The following JAZF1 variants were observed in gnomAD, a reference collection of about 807,000 sequenced individuals.
The protein encoded by JAZF1 is juxtaposed with another zinc finger protein 1.
JAZF1 carries 8 observed loss-of-function variants against 26.4 expected under a neutral mutation model. The observed-to-expected ratio is 0.30, with a 90% confidence interval of 0.18 to 0.55. JAZF1 has a LOEUF of 0.55. Ranked by LOEUF, JAZF1 falls within the 20% of genes least tolerant of loss-of-function variation. The probability of loss-of-function intolerance (pLI) is 0.94; values close to 1 mark genes in which losing one functional copy is unlikely to be tolerated. For missense variants in JAZF1, 199 were observed against 322.0 expected, an observed-to-expected ratio of 0.62 and a Z score of 2.92; for synonymous variants, 126 against 122.3, an observed-to-expected ratio of 1.03 and a Z score of -0.20.
intron 1 of JAZF1, among the ~76,000 whole-genome samples, chr7:28,070,943 G>C (rs1160756576): frequency 2.6e-5 from 4 of 152,186 alleles, no homozygotes; most frequent in Admixed American, 2.6e-4. Flanking sequence ...CACACACAGA[G>C]CAGACATTCA....
intron 2 of JAZF1, among the ~76,000 whole-genome samples, chr7:27,963,249 G>A (rs1785214010): frequency 6.6e-6 from 1 of 152,114 alleles, no homozygotes; most frequent in African/African-American, 2.4e-5. Context: ...TAGGAGTATG[G>A]TAATAATCAT....
chr7:27,946,631 G>T (rs1340081389), intron 2 of JAZF1, among the ~76,000 whole-genome samples: 1 of 152,190 alleles, frequency 6.6e-6, no homozygotes, highest in Non-Finnish European at 1.5e-5. Context: ...TCAGATGTTG[G>T]GGTAGGGATT....
chr7:27,930,120 C>G (rs1304153570), intron 2 of JAZF1, among the ~76,000 whole-genome samples: 1 of 152,018 alleles, frequency 6.6e-6, no homozygotes, highest in South Asian at 2.1e-4. Flanking sequence ...CTCAGCCCCC[C>G]GAGTAGCTGG....
chr7:27,976,290 G>A (rs1386659440), intron 2 of JAZF1, among the ~76,000 whole-genome samples: 1 of 145,338 alleles, frequency 6.9e-6, no homozygotes, highest in African/African-American at 2.5e-5. Context: ...AGCTTGCAGT[G>A]AGCCGAGAAG....
intron 3 of JAZF1, among the ~76,000 whole-genome samples, chr7:27,860,799 C>T (rs1783366458): frequency 6.6e-6 from 1 of 152,146 alleles, no homozygotes; most frequent in African/African-American, 2.4e-5. Context: ...GGACTGTAAG[C>T]CTCCTCTCAG....
chr7:28,014,966 C>G (rs1247281723), intron 1 of JAZF1, among the ~76,000 whole-genome samples: 1 of 152,074 alleles, frequency 6.6e-6, no homozygotes, highest in East Asian at 1.9e-4. Flanking sequence ...GGAGCAGCAG[C>G]CCCCAGGATC....
chr7:27,940,159 T>A (rs1366280180), intron 2 of JAZF1, among the ~76,000 whole-genome samples: 8 of 152,164 alleles, frequency 5.3e-5, no homozygotes, highest in Non-Finnish European at 1.0e-4. Context: ...ATGCCCCCGG[T>A]ACCATTCTCA....
intron 2 of JAZF1, among the ~76,000 whole-genome samples, chr7:27,936,344 C>T (rs999666982): frequency 6.6e-6 from 1 of 152,162 alleles, no homozygotes; most frequent in African/African-American, 2.4e-5. Context: ...CTAGCATGGT[C>T]TTCCACAACA....
intron 1 of JAZF1, among the ~76,000 whole-genome samples, chr7:28,077,154 T>C (rs1784064811): frequency 6.6e-6 from 1 of 152,172 alleles, no homozygotes; most frequent in African/African-American, 2.4e-5. Flanking sequence ...CACTTTACAA[T>C]GGGAATGCTG....
At chr7:28,009,199 C>A (rs1782753906) in intron 1 of JAZF1, among the ~76,000 whole-genome samples, 1 of 151,686 alleles carries the variant, frequency 6.6e-6, no homozygotes, top group African/African-American at 2.4e-5. Flanking sequence ...GTCTTCATTT[C>A]TATGGCTTGG....
chr7:27,866,668 T>C (rs1200674950), intron 3 of JAZF1, among the ~76,000 whole-genome samples: 2 of 152,232 alleles, frequency 1.3e-5, no homozygotes, highest in African/African-American at 4.8e-5. Flanking sequence ...GGCCTAACAA[T>C]AATCTAATTC....
At chr7:27,947,769 T>G (rs1562537397) in intron 2 of JAZF1, among the ~76,000 whole-genome samples, 1 of 151,762 alleles carries the variant, frequency 6.6e-6, no homozygotes, top group Non-Finnish European at 1.5e-5. Flanking sequence ...AGCCTTGGAG[T>G]GCTTGATGAA....
chr7:27,955,380 A>G (rs1394343138), intron 2 of JAZF1, among the ~76,000 whole-genome samples: 1 of 152,176 alleles, frequency 6.6e-6, no homozygotes, highest in Non-Finnish European at 1.5e-5. Flanking sequence ...AGGCCTTTCC[A>G]ATCGAACTGC....
intron 2 of JAZF1, among the ~76,000 whole-genome samples, chr7:27,897,143 G>C (rs1035920606): frequency 1.3e-5 from 2 of 152,044 alleles, no homozygotes; most frequent in Non-Finnish European, 2.9e-5. Context: ...TCTCACACTG[G>C]GGTATGCAGT....
At position 27,832,195 on chromosome 7, in the gene JAZF1, A is replaced by G. The variant is rs1334081994; in HGVS notation, c.*605T>C. 3 of 211,926 alleles carry G rather than the reference A, an allele frequency of 1.4e-5. No homozygotes were observed. The highest frequency in any genetic ancestry group is 4.5e-5 in the African/African-American group (2 of 44,132). The allele number at this position is 211,926 out of a possible 1,614,324, so 13.1% of individuals were successfully genotyped here. A position where few individuals can be genotyped will look rare whatever the true frequency, so the allele number is the denominator to read the frequency against. On this transcript the variant is annotated 3_prime_UTR_variant, in exon 5 of 5. Transcript: ENST00000283928. Reference sequence around the variant, plus strand: ...TTTAAAGGGCAAAAGGATTTGCAAGATAATATAAAACACAGAAAGCACACC... The same window carrying G: ...TTTAAAGGGCAAAAGGATTTGCAAGGTAATATAAAACACAGAAAGCACACC...
chr7:28,061,993 T>C (rs1783804131), intron 1 of JAZF1, among the ~76,000 whole-genome samples: 1 of 152,104 alleles, frequency 6.6e-6, no homozygotes, highest in Non-Finnish European at 1.5e-5. Flanking sequence ...AAGGACGGAG[T>C]GGGGAAACCC....
intron 3 of JAZF1, among the ~76,000 whole-genome samples, chr7:27,852,792 T>C (rs1783175225): frequency 6.6e-6 from 1 of 152,240 alleles, no homozygotes. Flanking sequence ...CTTCCCCATT[T>C]TGAGTAGCAT....
At chr7:27,905,128 T>A (rs1784230021) in intron 2 of JAZF1, among the ~76,000 whole-genome samples, 1 of 124,858 alleles carries the variant, frequency 8.0e-6, no homozygotes, top group African/African-American at 3.3e-5. Flanking sequence ...GAGCACCACA[T>A]CCAAGGCTAA....
chr7:27,983,023 A>C (rs1445159201), intron 2 of JAZF1, among the ~76,000 whole-genome samples: 3 of 152,346 alleles, frequency 2.0e-5, no homozygotes, highest in Admixed American at 6.5e-5. Flanking sequence ...AATTCTAAAA[A>C]TCAGAGCTCC....
Sources: gnomAD v4.1 joint callset for allele counts (sites outside exome capture counted in the v4.1 genomes callset) on GRCh38, gnomAD v4.1.1 for gene constraint, MANE v1.5 for transcripts, NCBI Gene and HGNC (gene_info 2026-07-23, HGNC 2026-07-21) for gene names.